Variants in GALNTL6 observed in about 807,000 individuals in gnomAD.
GALNTL6 encodes polypeptide N-acetylgalactosaminyltransferase-like 6.
Under a neutral mutation model 73.7 loss-of-function variants are expected in GALNTL6, and 46 were observed. The observed-to-expected ratio is 0.62, with a 90% CI of 0.49 to 0.80. The LOEUF (loss-of-function observed/expected upper bound fraction) is 0.80, where lower values mean the gene tolerates loss of function less well. GALNTL6 is among the 30% of genes least tolerant of loss of function. GALNTL6 has a pLI of 0.00. For synonymous variants in GALNTL6, 259 were observed against 263.7 expected (o/e 0.98, Z 0.17); for missense variants, 604 against 755.0 (o/e 0.80, Z 2.34).
intron 10 of GALNTL6, among the ~76,000 whole-genome samples, chr4:173,001,285 G>A: frequency 6.6e-6 from 1 of 152,174 alleles, no homozygotes. Flanking sequence ...GGTTTGTGGT[G>A]CTTTCCTTCG....
At chr4:172,185,026 T>C (rs557439668) in intron 2 of GALNTL6, among the ~76,000 whole-genome samples, 1 of 152,184 alleles carries the variant, frequency 6.6e-6, no homozygotes, top group South Asian at 2.1e-4. Flanking sequence ...ATTCAAACCA[T>C]AGCAGGTGAG....
chr4:172,894,622 A>G (rs143729517), intron 8 of GALNTL6, among the ~76,000 whole-genome samples: 53 of 152,296 alleles, frequency 3.5e-4, no homozygotes, highest in African/African-American at 1.2e-3. Context: ...AGAATATTAC[A>G]TGTGCTGATG....
intron 5 of GALNTL6, among the ~76,000 whole-genome samples, chr4:172,424,197 C>G (rs1203320109): frequency 6.6e-6 from 1 of 152,010 alleles, no homozygotes; most frequent in Non-Finnish European, 1.5e-5. Flanking sequence ...TGAATTTTAA[C>G]TTGTAAATTT....
At chr4:172,222,509 C>T (rs1046085301) in intron 2 of GALNTL6, among the ~76,000 whole-genome samples, 1 of 151,834 alleles carries the variant, frequency 6.6e-6, no homozygotes, top group Non-Finnish European at 1.5e-5. Flanking sequence ...AAGATCTCAT[C>T]TGGGATGCTG....
intron 7 of GALNTL6, among the ~76,000 whole-genome samples, chr4:172,850,088 G>T (rs540781802): frequency 1.3e-5 from 2 of 152,310 alleles, no homozygotes; most frequent in South Asian, 2.1e-4. Context: ...AGTCCTAAAA[G>T]CCTAGAAGAT....
intron 5 of GALNTL6, among the ~76,000 whole-genome samples, chr4:172,710,986 C>A (rs1350568785): frequency 6.6e-6 from 1 of 152,062 alleles, no homozygotes; most frequent in African/African-American, 2.4e-5. Context: ...AGGCCAGCAC[C>A]AACTGAAATA....
At chr4:171,876,094 T>C (rs1415010409) in intron 2 of GALNTL6, among the ~76,000 whole-genome samples, 1 of 152,172 alleles carries the variant, frequency 6.6e-6, no homozygotes, top group Non-Finnish European at 1.5e-5. Flanking sequence ...AAGAAGGTTC[T>C]GAGATTCTTT....
intron 5 of GALNTL6, among the ~76,000 whole-genome samples, chr4:172,550,342 T>C (rs921898653): frequency 6.6e-6 from 1 of 152,184 alleles, no homozygotes; most frequent in African/African-American, 2.4e-5. Flanking sequence ...CTTTTAATTA[T>C]AGTCAGTCTG....
At chr4:171,981,036 C>G (rs1363922399) in intron 2 of GALNTL6, among the ~76,000 whole-genome samples, 1 of 152,184 alleles carries the variant, frequency 6.6e-6, no homozygotes, top group Admixed American at 6.5e-5. Context: ...TGAGACAGAT[C>G]TCAATCAATT....
At chr4:172,220,208 G>GT (rs1736628751) in intron 2 of GALNTL6, among the ~76,000 whole-genome samples, 1 of 151,548 alleles carries the variant, frequency 6.6e-6, no homozygotes, top group East Asian at 1.9e-4. Flanking sequence ...CTCTTCAAGG[G>GT]TATGACACTC....
intron 7 of GALNTL6, among the ~76,000 whole-genome samples, chr4:172,838,901 G>A (rs1347243165): frequency 1.3e-5 from 2 of 152,126 alleles, no homozygotes; most frequent in Non-Finnish European, 2.9e-5. Flanking sequence ...AATGAATGAG[G>A]GGGAGAAGAG....
intron 5 of GALNTL6, among the ~76,000 whole-genome samples, chr4:172,558,020 A>G (rs1736209944): frequency 6.6e-6 from 1 of 152,226 alleles, no homozygotes; most frequent in Non-Finnish European, 1.5e-5. Flanking sequence ...AAAACAGGTA[A>G]GTAAATCACA....
chr4:171,868,387 T>C (rs1011441758), intron 2 of GALNTL6, among the ~76,000 whole-genome samples: 2 of 152,194 alleles, frequency 1.3e-5, no homozygotes, highest in African/African-American at 4.8e-5. Context: ...TAGATATCTC[T>C]TTTATTCTTT....
intron 4 of GALNTL6, among the ~76,000 whole-genome samples, chr4:172,325,799 A>G (rs996337252): frequency 6.6e-6 from 1 of 151,868 alleles, no homozygotes; most frequent in African/African-American, 2.4e-5. Flanking sequence ...ATAGAAATGG[A>G]ATACTAAAAA....
At chr4:172,322,160 A>G (rs1740782402) in intron 4 of GALNTL6, among the ~76,000 whole-genome samples, 1 of 152,198 alleles carries the variant, frequency 6.6e-6, no homozygotes, top group South Asian at 2.1e-4. Flanking sequence ...ATGCCAACAT[A>G]TGAAACCCCA....
chr4:171,982,398 C>A (rs564460363), intron 2 of GALNTL6, among the ~76,000 whole-genome samples: 3 of 150,018 alleles, frequency 2.0e-5, no homozygotes, highest in Non-Finnish European at 4.4e-5. Context: ...CCTGGGTTCA[C>A]GTCATTCTCC....
At chr4:171,967,450 T>TTTTTTTTTTTG (rs1553976652) in intron 2 of GALNTL6, among the ~76,000 whole-genome samples, 24,896 of 131,910 alleles carry the variant, frequency 0.19, 2,428 homozygotes, top group East Asian at 0.26. Flanking sequence ...CCTATGGGTT[T>TTTTTTTTTTTG]TTTTTTTTTT....
intron 5 of GALNTL6, among the ~76,000 whole-genome samples, chr4:172,408,798 C>G (rs1231661348): frequency 5.3e-5 from 8 of 152,060 alleles, no homozygotes. Flanking sequence ...GACACTGGCT[C>G]TACTTGGCTG....
At chr4:172,535,234 G>A (rs1735306949) in intron 5 of GALNTL6, among the ~76,000 whole-genome samples, 1 of 152,150 alleles carries the variant, frequency 6.6e-6, no homozygotes, top group African/African-American at 2.4e-5. Flanking sequence ...AAATTTATAA[G>A]CTTATGTCTT....
Sources: gnomAD v4.1 joint callset for allele counts (sites outside exome capture counted in the v4.1 genomes callset) on GRCh38, gnomAD v4.1.1 for gene constraint, MANE v1.5 for transcripts, NCBI Gene and HGNC (gene_info 2026-07-23, HGNC 2026-07-21) for gene names.